Variants in PDE10A observed in about 807,000 individuals in gnomAD.
PDE10A encodes cAMP and cAMP-inhibited cGMP 3',5'-cyclic phosphodiesterase 10A.
Under a neutral mutation model 97.7 loss-of-function variants are expected in PDE10A, and 39 were observed. The observed-to-expected ratio is 0.40, with a 90% CI of 0.31 to 0.52. PDE10A has a LOEUF of 0.52. PDE10A is among the 20% of genes least tolerant of loss of function. The pLI is 0.56. For synonymous variants in PDE10A, 371 were observed against 376.8 expected (o/e 0.98, Z 0.18); for missense variants, 731 against 1,047.8 (o/e 0.70, Z 4.17).
intron 1 of PDE10A, among the ~76,000 whole-genome samples, chr6:165,668,564 A>G (rs1235604450): frequency 6.8e-6 from 1 of 147,444 alleles, no homozygotes; most frequent in Non-Finnish European, 1.5e-5. Context: ...TTACAGGAGA[A>G]AGAAATGTTG....
chr6:165,691,192 TCTCTCTCTCCCCAC>T (rs1791281455), intron 1 of PDE10A, among the ~76,000 whole-genome samples: 5 of 48,830 alleles, frequency 1.0e-4, no homozygotes, highest in African/African-American at 4.9e-4. Flanking sequence ...TCTCTCCCTC[TCTCTCTCTCCCCAC>T]ACACACACAC....
At chr6:165,342,899 T>C (rs1782059572) in intron 19 of PDE10A, among the ~76,000 whole-genome samples, 6 of 152,240 alleles carry the variant, frequency 3.9e-5, no homozygotes, top group Admixed American at 3.9e-4. Flanking sequence ...GTATTATGAA[T>C]GAATATTCCA....
chr6:165,912,445 G>A (rs1782489762), intron 1 of PDE10A, among the ~76,000 whole-genome samples: 2 of 152,166 alleles, frequency 1.3e-5, no homozygotes, highest in South Asian at 4.1e-4. Context: ...GGTGGACAAG[G>A]CAACGCTCCA....
At chr6:165,810,758 C>T (rs186055568) in intron 1 of PDE10A, among the ~76,000 whole-genome samples, 1 of 152,222 alleles carries the variant, frequency 6.6e-6, no homozygotes, top group Admixed American at 6.5e-5. Context: ...TACCGTAAAC[C>T]CCCACCCCTT....
chr6:165,530,682 C>T (rs1050844441), intron 2 of PDE10A, among the ~76,000 whole-genome samples: 2 of 152,168 alleles, frequency 1.3e-5, no homozygotes, highest in Admixed American at 1.3e-4. Flanking sequence ...CTTTGATGCT[C>T]CACAAACGTA....
At chr6:165,980,396 CTTTA>C (rs58993878) in intron 1 of PDE10A, among the ~76,000 whole-genome samples, 100,047 of 151,558 alleles carry the variant, frequency 0.66, 33,554 homozygotes, top group East Asian at 0.88. Context: ...CTTATGAAAG[CTTTA>C]TTTATTTATA....
chr6:165,798,443 G>A (rs540864636), intron 1 of PDE10A, among the ~76,000 whole-genome samples: 1 of 152,196 alleles, frequency 6.6e-6, no homozygotes, highest in African/African-American at 2.4e-5. Context: ...TCAGTATGTG[G>A]CCACTGTGCT....
intron 1 of PDE10A, among the ~76,000 whole-genome samples, chr6:165,604,041 A>G (rs1348666494): frequency 6.6e-6 from 1 of 152,218 alleles, no homozygotes; most frequent in Admixed American, 6.5e-5. Flanking sequence ...AATATTTAGG[A>G]TTAGCCAAGA....
intron 1 of PDE10A, among the ~76,000 whole-genome samples, chr6:165,765,716 C>A (rs1031056521): frequency 1.3e-5 from 2 of 152,204 alleles, no homozygotes; most frequent in Admixed American, 6.5e-5. Flanking sequence ...CCTTGGCCAG[C>A]CCAGAAAGGG....
At chr6:165,622,626 CT>C (rs1425813558) in intron 1 of PDE10A, among the ~76,000 whole-genome samples, 1 of 152,110 alleles carries the variant, frequency 6.6e-6, no homozygotes, top group Non-Finnish European at 1.5e-5. Flanking sequence ...CCAAAACATC[CT>C]TATATAGTGG....
intron 1 of PDE10A, among the ~76,000 whole-genome samples, chr6:165,777,195 G>A (rs73030292): frequency 6.6e-6 from 1 of 152,066 alleles, no homozygotes; most frequent in Non-Finnish European, 1.5e-5. Context: ...GCTGGGAAGA[G>A]GAGATGGGCA....
intron 2 of PDE10A, among the ~76,000 whole-genome samples, chr6:165,524,241 C>T (rs537237154): frequency 6.6e-6 from 1 of 152,166 alleles, no homozygotes; most frequent in African/African-American, 2.4e-5. Context: ...TCTAGAGAAC[C>T]CTGACTAATA....
At chr6:165,646,204 C>T (rs1437859635) in intron 1 of PDE10A, among the ~76,000 whole-genome samples, 1 of 152,204 alleles carries the variant, frequency 6.6e-6, no homozygotes, top group Non-Finnish European at 1.5e-5. Flanking sequence ...CATGAAGTCA[C>T]AGCCTCTTTT....
intron 1 of PDE10A, among the ~76,000 whole-genome samples, chr6:165,595,322 G>A (rs76192487): frequency 1.3e-5 from 2 of 152,260 alleles, no homozygotes; most frequent in South Asian, 2.1e-4. Context: ...AAGATGGCTC[G>A]AAGCCTTTGG....
intron 6 of PDE10A, among the ~76,000 whole-genome samples, chr6:165,433,389 T>C (rs1789740673): frequency 6.6e-6 from 1 of 151,904 alleles, no homozygotes; most frequent in African/African-American, 2.4e-5. Context: ...CATATGTTAA[T>C]TTCATATGAC....
intron 1 of PDE10A, among the ~76,000 whole-genome samples, chr6:165,600,801 A>C (rs1192470576): frequency 2.0e-5 from 3 of 152,198 alleles, no homozygotes; most frequent in Non-Finnish European, 4.4e-5. Context: ...AGGACCTGCT[A>C]AACTCCTTTT....
chr6:165,762,103 G>A (rs919961676), intron 1 of PDE10A, among the ~76,000 whole-genome samples: 7 of 152,116 alleles, frequency 4.6e-5, no homozygotes, highest in Admixed American at 1.3e-4. Flanking sequence ...AGATTGCTAC[G>A]TCTGAACAAT....
chr6:165,625,415 C>G (rs1251505357), intron 1 of PDE10A, among the ~76,000 whole-genome samples: 1 of 152,200 alleles, frequency 6.6e-6, no homozygotes, highest in East Asian at 1.9e-4. Flanking sequence ...CCAAGAATGA[C>G]CTCAAAGACT....
At chr6:165,941,619 T>C (rs973965895) in intron 1 of PDE10A, among the ~76,000 whole-genome samples, 1 of 152,130 alleles carries the variant, frequency 6.6e-6, no homozygotes, top group Non-Finnish European at 1.5e-5. Context: ...TAAAAGTGTG[T>C]AGCAACTCCC....
Sources: gnomAD v4.1 joint callset for allele counts (sites outside exome capture counted in the v4.1 genomes callset) on GRCh38, gnomAD v4.1.1 for gene constraint, MANE v1.5 for transcripts, NCBI Gene and HGNC (gene_info 2026-07-23, HGNC 2026-07-21) for gene names.